MYO9A: variants seen among roughly 807,000 people sequenced by gnomAD.
MYO9A encodes the protein myosin IXA.
A neutral mutation model predicts 293.3 loss-of-function variants in MYO9A; 103 were observed. The observed-to-expected ratio is 0.35, with a 90% CI of 0.30 to 0.41. The LOEUF (loss-of-function observed/expected upper bound fraction) is 0.41. Among genes scored for constraint, MYO9A ranks in the 10% least tolerant of loss-of-function variants. The pLI is 1.00. For synonymous variants in MYO9A, 1,001 were observed against 1,035.7 expected (o/e 0.97, Z 0.64); for missense variants, 2,685 against 3,033.0 (o/e 0.89, Z 2.69).
At chr15:72,044,233 C>T (rs2078314961) in intron 2 of MYO9A, among the ~76,000 whole-genome samples, 2 of 151,800 alleles carry the variant, frequency 1.3e-5, no homozygotes. Context: ...ATGGAGAAAC[C>T]CCTACTCTAC....
intron 3 of MYO9A, among the ~76,000 whole-genome samples, chr15:72,030,638 C>G (rs1596419434): frequency 6.6e-6 from 1 of 152,132 alleles, no homozygotes; most frequent in African/African-American, 2.4e-5. Context: ...ATTCTTCCAC[C>G]TCAGCCTCCT....
chr15:72,082,824 T>C (rs2079592117), intron 1 of MYO9A, among the ~76,000 whole-genome samples: 2 of 151,118 alleles, frequency 1.3e-5, no homozygotes, highest in Admixed American at 6.6e-5. Flanking sequence ...ACGAATCACA[T>C]TTACTGATTT....
At chr15:72,028,237 AT>A (rs1430034029) in intron 3 of MYO9A, among the ~76,000 whole-genome samples, 245 of 146,002 alleles carry the variant, frequency 1.7e-3, no homozygotes, top group African/African-American at 5.9e-3. Flanking sequence ...ATATATATAT[AT>A]AAATATATAT....
intron 34 of MYO9A, among the ~76,000 whole-genome samples, chr15:71,854,919 T>G (rs1335317646): frequency 1.3e-5 from 2 of 152,214 alleles, no homozygotes; most frequent in Middle Eastern, 3.2e-3. Flanking sequence ...CAGATACCAC[T>G]AGAAAATCTA....
At chr15:71,910,908 GGTTT>G (rs1207142678) in intron 19 of MYO9A, among the ~76,000 whole-genome samples, 2 of 151,530 alleles carry the variant, frequency 1.3e-5, no homozygotes, top group Non-Finnish European at 2.9e-5. Flanking sequence ...TGACTTTTTT[GGTTT>G]AAAGTTTTAT....
At chr15:71,985,282 G>GTC (rs956811710) in intron 11 of MYO9A, among the ~76,000 whole-genome samples, 75 of 151,146 alleles carry the variant, frequency 5.0e-4, no homozygotes, top group African/African-American at 1.7e-3. Context: ...GTCTCTGTCT[G>GTC]TCTCTCTCTC....
chr15:72,045,882 G>C lies in MYO9A; in HGVS notation c.682C>G (p.Gln228Glu), dbSNP rs187693680. 6.2e-7 allele frequency: 1 copy of C among 1,614,086 alleles called. No homozygotes were observed. Among genetic ancestry groups the C allele is most frequent in the African/African-American group, 1.3e-5 (1 of 75,016 alleles). ...ACGATGCACTGATTCTTTTTGCGCT[G>C]AAGCATGGCATGATAAGCTACATCA... ...VADVAYHAML[Q>E]RKKNQCIVIS... The change falls in exon 2 of 42, where the codon CAG becomes GAG. Residue 228 changes from glutamine to glutamate, a missense_variant. Gln to Glu is a conservative substitution (Grantham distance 29). Transcript: ENST00000356056.
At chr15:71,905,209 A>G (rs1327898630) in intron 19 of MYO9A, among the ~76,000 whole-genome samples, 1 of 152,194 alleles carries the variant, frequency 6.6e-6, no homozygotes, top group African/African-American at 2.4e-5. Context: ...TTAATATTAA[A>G]GCAGATAGCC....
At chr15:72,011,072 T>G (rs913247812) in intron 6 of MYO9A, among the ~76,000 whole-genome samples, 1 of 151,864 alleles carries the variant, frequency 6.6e-6, no homozygotes, top group Non-Finnish European at 1.5e-5. Flanking sequence ...TACAGTGGCA[T>G]GATCTTGGCT....
intron 1 of MYO9A, among the ~76,000 whole-genome samples, chr15:72,072,410 C>T (rs1056387544): frequency 2.0e-5 from 3 of 152,148 alleles, no homozygotes; most frequent in South Asian, 2.1e-4. Context: ...GGATTACAGG[C>T]GTGAACCACA....
intron 11 of MYO9A, among the ~76,000 whole-genome samples, chr15:71,986,632 G>A (rs574252257): frequency 6.6e-6 from 1 of 152,088 alleles, no homozygotes; most frequent in Admixed American, 6.6e-5. Flanking sequence ...GTATGTATGT[G>A]TCTTTGCTTT....
intron 32 of MYO9A, among the ~76,000 whole-genome samples, chr15:71,863,136 G>C (rs2056206236): frequency 6.6e-6 from 1 of 151,722 alleles, no homozygotes; most frequent in Non-Finnish European, 1.5e-5. Context: ...GTTTCACCAT[G>C]TTGGCCAGGC....
At chr15:72,095,083 A>G (rs1438360683) in intron 1 of MYO9A, among the ~76,000 whole-genome samples, 3 of 92,366 alleles carry the variant, frequency 3.2e-5, no homozygotes, top group African/African-American at 7.7e-5. Flanking sequence ...AATGAAAGGA[A>G]GAGTCAAATG....
intron 3 of MYO9A, among the ~76,000 whole-genome samples, chr15:72,028,218 A>AATAAATATATATATATAT (rs1555408276): frequency 7.4e-6 from 1 of 134,244 alleles, no homozygotes; most frequent in African/African-American, 2.7e-5. Context: ...TAAATAAATA[A>AATAAATATATATATATAT]ATATATATAT....
intron 1 of MYO9A, among the ~76,000 whole-genome samples, chr15:72,093,425 A>C (rs1160607408): frequency 6.6e-6 from 1 of 152,122 alleles, no homozygotes; most frequent in Non-Finnish European, 1.5e-5. Context: ...CGTCCCTGCT[A>C]CTCAAGAGGC....
chr15:72,067,294 C>T (rs2079050176), intron 1 of MYO9A, among the ~76,000 whole-genome samples: 1 of 151,436 alleles, frequency 6.6e-6, no homozygotes, highest in Non-Finnish European at 1.5e-5. Context: ...ATTCCCAATA[C>T]TAATTAATTA....
Position 71,999,869 on chromosome 15 carries a change from C to T in MYO9A, c.1452G>A (p.Leu484=). The T allele has an allele frequency of 6.2e-7, 1 of 1,611,956 alleles. No individual in the cohort carries two copies. Among genetic ancestry groups the T allele is most frequent in the Non-Finnish European group, 8.5e-7 (1 of 1,179,120 alleles). ...KTVTVGEKLI[L]PYKLAEAVTV... ...ATCATACCTCTGCCAACTTGTATGG[C>T]AAAATAAGCTTTTCTCCCACTGTCA... Residue 484 remains leucine (L), a synonymous_variant, in exon 9 of 42, where the codon TTG becomes TTA. Coordinates refer to ENST00000356056, the MANE Select transcript of MYO9A (RefSeq NM_006901.4).
intron 33 of MYO9A, among the ~76,000 whole-genome samples, chr15:71,862,017 G>A (rs12439494): frequency 0.28 from 43,272 of 152,100 alleles, 6,663 homozygotes; most frequent in East Asian, 0.59. Context: ...TGTAATCCCA[G>A]CTACTCGGGA....
intron 14 of MYO9A, among the ~76,000 whole-genome samples, chr15:71,955,941 A>G (rs1220392240): frequency 6.6e-6 from 1 of 152,094 alleles, no homozygotes; most frequent in Non-Finnish European, 1.5e-5. Context: ...GGAATGATAC[A>G]ATATTCCATT....
Sources: allele counts gnomAD v4.1 joint callset (sites outside exome capture counted in the v4.1 genomes callset), GRCh38; gene constraint gnomAD v4.1.1; transcripts MANE v1.5; gene names NCBI Gene and HGNC (gene_info 2026-07-23, HGNC 2026-07-21).